The following ABLIM1 variants were observed in gnomAD, a reference collection of about 807,000 sequenced individuals.
The protein encoded by ABLIM1 is actin binding LIM protein 1.
Under a neutral mutation model 107.0 loss-of-function variants are expected in ABLIM1, and 40 were observed. The ratio of observed to expected loss-of-function variants is 0.37; its 90% CI spans 0.29 to 0.49. The LOEUF is 0.49. Among genes scored for constraint, ABLIM1 ranks in the 20% least tolerant of loss-of-function variants. The pLI is 0.97. For missense variants in ABLIM1, 857 were observed against 1,008.5 expected, an observed-to-expected ratio of 0.85 and a Z score of 2.04; for synonymous variants, 357 against 357.3, an observed-to-expected ratio of 1.00 and a Z score of 0.01.
chr10:114,797,486 C>A, the ABLIM1 span, among the ~76,000 whole-genome samples: 1 of 152,304 alleles, frequency 6.6e-6, no homozygotes, highest in South Asian at 2.1e-4. Context: ...CTCTTACACA[C>A]ACTTAGTGTC....
intron 6 of ABLIM1, among the ~76,000 whole-genome samples, chr10:114,505,929 G>A (rs1421147858): frequency 6.6e-6 from 1 of 152,184 alleles, no homozygotes; most frequent in East Asian, 1.9e-4. Context: ...TAAATTGCAT[G>A]TTGCTGAGGT....
At chr10:114,783,856 A>C in the ABLIM1 span, among the ~76,000 whole-genome samples, 1 of 151,794 alleles carries the variant, frequency 6.6e-6, no homozygotes, top group African/African-American at 2.4e-5. Flanking sequence ...GTCCAGTATC[A>C]CTCCTGCAGC....
chr10:114,531,360 G>A (rs758937322), intron 6 of ABLIM1, among the ~76,000 whole-genome samples: 8 of 152,152 alleles, frequency 5.3e-5, no homozygotes, highest in African/African-American at 7.2e-5. Flanking sequence ...TGCCCACATC[G>A]TAATAATAAG....
intron 1 of ABLIM1, among the ~76,000 whole-genome samples, chr10:114,650,185 C>A (rs185916000): frequency 6.6e-6 from 1 of 152,280 alleles, no homozygotes; most frequent in African/African-American, 2.4e-5. Context: ...TTTCTGTTAG[C>A]AGCTTTGTCT....
At chr10:114,786,413 C>T in the ABLIM1 span, among the ~76,000 whole-genome samples, 383 of 152,164 alleles carry the variant, frequency 2.5e-3, 2 homozygotes, top group African/African-American at 8.6e-3. Context: ...TTTGAATATT[C>T]GATAGTAAGT....
intron 1 of ABLIM1, among the ~76,000 whole-genome samples, chr10:114,607,794 C>T (rs1403290240): frequency 1.3e-5 from 2 of 152,236 alleles, no homozygotes; most frequent in African/African-American, 4.8e-5. Flanking sequence ...GAAATGATCA[C>T]AGCCAAGAGG....
chr10:114,589,528 CAAA>C (rs769527282), intron 2 of ABLIM1, among the ~76,000 whole-genome samples: 1 of 130,860 alleles, frequency 7.6e-6, no homozygotes. Flanking sequence ...GACTCTGTCT[CAAA>C]AAAAAAAAAA....
chr10:114,662,543 C>A (rs774046415), upstream of ABLIM1, among the ~76,000 whole-genome samples: 7 of 152,132 alleles, frequency 4.6e-5, no homozygotes, highest in African/African-American at 7.2e-5. Context: ...TCTTACCCAT[C>A]CCTCCAAAGC....
chr10:114,753,241 A>G (rs2082556687), intron 1 of ABLIM1, among the ~76,000 whole-genome samples: 1 of 152,224 alleles, frequency 6.6e-6, no homozygotes, highest in South Asian at 2.1e-4. Flanking sequence ...GGAGCAAAAC[A>G]GGAGATGGTA....
Position 114,619,900 on chromosome 10 carries a change from G to A in ABLIM1, c.245-17939C>T, listed in dbSNP as rs1222108637. Among the ~76,000 whole-genome samples the A allele has an allele frequency of 1.3e-5, 2 of 152,054 alleles. No homozygotes were observed. The highest frequency in any genetic ancestry group is 6.6e-5 in the Admixed American group (1 of 15,258). ...CCCAAGACAGATGACACCAAATTCC[G>A]GCCAACTTCTGTTAAGGATAAAGTG... On this transcript the variant is annotated intron_variant, in intron 1 of 22. Transcript: ENST00000533213. This position sits in a 1 kb window ranked among gnomAD's most constrained non-coding sequence, Gnocchi z 4.1.
At chr10:114,781,657 TATGC>T in the ABLIM1 span, among the ~76,000 whole-genome samples, 85 of 70,996 alleles carry the variant, frequency 1.2e-3, 1 homozygote, top group Middle Eastern at 0.044. Flanking sequence ...TGTATATATA[TATGC>T]GTGTATATAT....
Position 114,767,332 on chromosome 10 carries a change from A to T in ABLIM1, c.-213+729T>A, listed in dbSNP as rs537936445. On this transcript the variant is annotated intron_variant, in intron 1 of 15. Transcript: ENST00000651092. ...TTAAATGCTTACGGCAAAGCAACCA[A>T]TTCACTTCATTTTAATTGCTCGCAA... 6.6e-5 allele frequency among the ~76,000 whole-genome samples: 10 copies of T among 152,172 alleles called. No individual in the cohort carries two copies. The South Asian group carries it at 2.1e-3, about 32-fold the overall frequency.
intron 13 of ABLIM1, among the ~76,000 whole-genome samples, chr10:114,451,945 T>C (rs2061979446): frequency 6.6e-6 from 1 of 152,140 alleles, no homozygotes; most frequent in Non-Finnish European, 1.5e-5. Context: ...ACACACTTCA[T>C]TGAAAGTGGG....
At chr10:114,602,266 C>A (rs940946824) in intron 1 of ABLIM1, among the ~76,000 whole-genome samples, 3 of 152,116 alleles carry the variant, frequency 2.0e-5, no homozygotes, top group African/African-American at 7.2e-5. Flanking sequence ...TTGCTTAGTT[C>A]AATATTTTGT....
intron 19 of ABLIM1, chr10:114,440,714 GCCT>G: frequency 2.2e-6 from 1 of 463,594 alleles, no homozygotes; most frequent in Non-Finnish European, 4.1e-6. Context: ...TTCCGCCTCA[GCCT>G]CCCAAAGTGT....
At chr10:114,507,634 ACCTGCTGTAC>A (rs1178793439) in intron 6 of ABLIM1, among the ~76,000 whole-genome samples, 3 of 152,316 alleles carry the variant, frequency 2.0e-5, no homozygotes, top group Non-Finnish European at 4.4e-5. Flanking sequence ...TGCCAGCCAC[ACCTGCTGTAC>A]CAGGCGCCAG....
At chr10:114,760,958 A>G (rs1476604522) in intron 1 of ABLIM1, among the ~76,000 whole-genome samples, 2 of 152,222 alleles carry the variant, frequency 1.3e-5, no homozygotes, top group Non-Finnish European at 2.9e-5. Flanking sequence ...GCTTTCAAAG[A>G]TAGTTTCTCC....
chr10:114,594,004 TTA>T, intron 2 of ABLIM1, among the ~76,000 whole-genome samples: 1 of 152,310 alleles, frequency 6.6e-6, no homozygotes, highest in East Asian at 1.9e-4. Context: ...GCGAGCACAT[TTA>T]TATCACACTT....
chr10:114,494,580 GA>G lies in ABLIM1; in HGVS notation c.895-2703del, dbSNP rs1399285021. 2.0e-5 allele frequency among the ~76,000 whole-genome samples: 3 copies of G among 152,062 alleles called. No homozygotes were observed. In the East Asian group the frequency reaches 5.8e-4, roughly 29 times the overall value. On this transcript the variant is annotated intron_variant, in intron 6 of 22. Transcript: ENST00000533213. ...AACAACAACAACAACAACAAAACCA[GA>G]AAACAACCCCAATAAAGAAGTACTT...
Sources: gnomAD v4.1 joint callset for allele counts (sites outside exome capture counted in the v4.1 genomes callset) on GRCh38, gnomAD v4.1.1 for gene constraint, Gnocchi (gnomAD v3.1) non-coding constraint, MANE v1.5 for transcripts, NCBI Gene and HGNC (gene_info 2026-07-23, HGNC 2026-07-21) for gene names.